The following UNC79 variants were observed in gnomAD, a reference collection of about 807,000 sequenced individuals.
The protein encoded by UNC79 is protein unc-79 homolog.
In UNC79, 37 loss-of-function variants were observed where a neutral mutation model predicts 283.1. The ratio of observed to expected loss-of-function variants is 0.13; its 90% CI spans 0.10 to 0.17. The LOEUF (loss-of-function observed/expected upper bound fraction) is 0.17. Among genes scored for constraint, UNC79 ranks in the 10% least tolerant of loss-of-function variants. The pLI, the probability that UNC79 is intolerant of heterozygous loss-of-function variation, is 1.00. For missense variants in UNC79, 2,272 were observed against 3,211.1 expected, an observed-to-expected ratio of 0.71 and a Z score of 7.07; for synonymous variants, 1,107 against 1,200.2, an observed-to-expected ratio of 0.92 and a Z score of 1.61.
In UNC79 at chr14:93,430,671, C is replaced by G; in HGVS notation, c.-359C>G. On this transcript the variant is annotated 5_prime_UTR_variant, in exon 1 of 49. Coordinates refer to ENST00000555664, the Ensembl canonical transcript of UNC79. This position sits in a 1 kb window ranked among gnomAD's most constrained non-coding sequence, Gnocchi z 4.6. ...TCCGTGCGCCTTATGAATGGAAATA[C>G]TCCTCCCCCGGTCGAGCCCATTTTC... 4.6e-6 allele frequency: 1 copy of G among 215,628 alleles called. No individual in the cohort carries two copies. Among genetic ancestry groups the G allele is most frequent in the South Asian group, 8.0e-5 (1 of 12,448 alleles). The allele number at this position is 215,628 out of a possible 1,614,324, so 13.4% of individuals were successfully genotyped here.
chr14:93,369,397 A>G (rs1238664282), intron 1 of UNC79, among the ~76,000 whole-genome samples: 1 of 152,204 alleles, frequency 6.6e-6, no homozygotes, highest in Non-Finnish European at 1.5e-5. Flanking sequence ...CTCCATTTTA[A>G]CAACAAGTAA....
At chr14:93,541,449 A>G (rs7150366) in intron 13 of UNC79, among the ~76,000 whole-genome samples, 131,093 of 152,164 alleles carry the variant, frequency 0.86, 56,579 homozygotes, top group East Asian at 0.94. Flanking sequence ...TGCTCATTGG[A>G]GACATTAATT....
At chr14:93,626,346 T>C (rs1052812466) in intron 30 of UNC79, among the ~76,000 whole-genome samples, 2 of 152,170 alleles carry the variant, frequency 1.3e-5, no homozygotes, top group African/African-American at 4.8e-5. Flanking sequence ...GTTAACTGTC[T>C]GTAGTCCTGT....
chr14:93,539,504 G>A (rs2061272077), intron 12 of UNC79, among the ~76,000 whole-genome samples: 1 of 151,638 alleles, frequency 6.6e-6, no homozygotes, highest in African/African-American at 2.4e-5. Context: ...CTGGGAGACA[G>A]AGCAAGACTC....
chr14:93,615,260 C>T (rs2066614077), intron 27 of UNC79, among the ~76,000 whole-genome samples: 2 of 152,096 alleles, frequency 1.3e-5, no homozygotes, highest in South Asian at 4.1e-4. Flanking sequence ...ACATAATGAA[C>T]AAAGATGAGC....
chr14:93,705,448 T>G (rs762300672), intron 48 of UNC79, among the ~76,000 whole-genome samples: 1 of 151,940 alleles, frequency 6.6e-6, no homozygotes, highest in Non-Finnish European at 1.5e-5. Flanking sequence ...AAATGGATTT[T>G]CTATCATGAG....
chr14:93,501,049 G>C (rs1230996682), intron 7 of UNC79, among the ~76,000 whole-genome samples: 2 of 152,228 alleles, frequency 1.3e-5, no homozygotes, highest in Non-Finnish European at 2.9e-5. Context: ...ATTTGGCCAG[G>C]TGTGGTGGCT....
At chr14:93,456,840 G>C (rs1299777539) in intron 1 of UNC79, among the ~76,000 whole-genome samples, 1 of 152,164 alleles carries the variant, frequency 6.6e-6, no homozygotes, top group African/African-American at 2.4e-5. Context: ...GAGTGGGGCT[G>C]TCTGTTTGGC....
intron 1 of UNC79, among the ~76,000 whole-genome samples, chr14:93,349,017 G>A (rs183164475): frequency 1.2e-3 from 185 of 152,232 alleles, no homozygotes; most frequent in African/African-American, 4.3e-3. Flanking sequence ...GGTCCGTGCC[G>A]CCTTTAAGAG....
At chr14:93,558,342 G>C (rs1230333213) in intron 14 of UNC79, among the ~76,000 whole-genome samples, 1 of 152,098 alleles carries the variant, frequency 6.6e-6, no homozygotes, top group African/African-American at 2.4e-5. Context: ...AGATCATGAG[G>C]TCAGGAGATC....
intron 40 of UNC79, among the ~76,000 whole-genome samples, chr14:93,668,978 TAAAAAAAAAAA>T (rs543609091): frequency 0.041 from 3,293 of 79,954 alleles, 119 homozygotes; most frequent in African/African-American, 0.12. Flanking sequence ...GAACATTGTC[TAAAAAAAAAAA>T]AAAAAAAAAA....
intron 32 of UNC79, 180 bp downstream of exon 35, chr14:93,637,479 A>C: frequency 9.2e-7 from 1 of 1,089,486 alleles, no homozygotes; most frequent in Non-Finnish European, 1.3e-6. Context: ...CATGGCCAAC[A>C]GTTCTTCCTT....
intron 19 of UNC79, among the ~76,000 whole-genome samples, chr14:93,580,872 AT>A (rs2063756226): frequency 6.6e-6 from 1 of 152,030 alleles, no homozygotes; most frequent in Non-Finnish European, 1.5e-5. Flanking sequence ...TGCCTGGCTA[AT>A]TTTTAAATTA....
chr14:93,544,685 G>C (rs755084143), intron 14 of UNC79, among the ~76,000 whole-genome samples: 2 of 152,186 alleles, frequency 1.3e-5, no homozygotes, highest in Non-Finnish European at 2.9e-5. Context: ...TGAGGTAAGA[G>C]ATCTGCAGAG....
In UNC79 at chr14:93,380,040, C is replaced by G. The variant is rs1261772828; in HGVS notation, c.-351+46517C>G. Among the ~76,000 whole-genome samples, 3 of 152,100 alleles carry G rather than the reference C, an allele frequency of 2.0e-5. No homozygotes were observed. In the East Asian group the frequency reaches 5.8e-4, roughly 29 times the overall value. ...AGTCTGGGAAAATTACTTCACTTCT[C>G]TCTTCCTCAATTTAACTTCACAGGG... is the stretch of plus-strand genomic sequence containing the variant. On this transcript the variant is annotated intron_variant, in intron 1 of 49. Transcript: ENST00000256339.
chr14:93,469,696 A>G (rs2057402291), intron 2 of UNC79, among the ~76,000 whole-genome samples: 1 of 152,112 alleles, frequency 6.6e-6, no homozygotes, highest in Non-Finnish European at 1.5e-5. Context: ...CCTGGACAAC[A>G]TAGTAAGACC....
At chr14:93,551,164 C>T (rs1017632178) in intron 14 of UNC79, among the ~76,000 whole-genome samples, 1 of 152,210 alleles carries the variant, frequency 6.6e-6, no homozygotes, top group Non-Finnish European at 1.5e-5. Context: ...ATTCTCCTGC[C>T]TCAACCTCCC....
At chr14:93,371,810 A>G (rs2054456386) in intron 1 of UNC79, among the ~76,000 whole-genome samples, 1 of 152,122 alleles carries the variant, frequency 6.6e-6, no homozygotes, top group Non-Finnish European at 1.5e-5. Context: ...ACTGCACTCC[A>G]GCCTAGGGGA....
At chr14:93,506,879 C>A (rs748410239) in intron 7 of UNC79, among the ~76,000 whole-genome samples, 9 of 152,134 alleles carry the variant, frequency 5.9e-5, no homozygotes, top group Non-Finnish European at 1.2e-4. Context: ...TTCCATCAAC[C>A]CAGAAAATAA....
Sources: gnomAD v4.1 joint callset for allele counts (sites outside exome capture counted in the v4.1 genomes callset) on GRCh38, gnomAD v4.1.1 for gene constraint, Gnocchi (gnomAD v3.1) non-coding constraint, MANE v1.5 for transcripts, NCBI Gene and HGNC (gene_info 2026-07-23, HGNC 2026-07-21) for gene names.